TBC1D8: variants seen among roughly 807,000 people sequenced by gnomAD.
TBC1D8 encodes the protein BUB2-like protein 1.
Under a neutral mutation model 118.8 loss-of-function variants are expected in TBC1D8, and 65 were observed. The observed-to-expected ratio is 0.55, with a 90% confidence interval of 0.45 to 0.67. TBC1D8 has a LOEUF of 0.67. TBC1D8 is among the 30% of genes least tolerant of loss of function. TBC1D8 has a pLI of 0.00. For missense variants in TBC1D8, 1,376 were observed against 1,471.2 expected (o/e 0.94, Z 1.06); for synonymous variants, 566 against 595.8 (o/e 0.95, Z 0.73).
At chr2:101,066,906 C>CT (rs1683043614) in intron 2 of TBC1D8, among the ~76,000 whole-genome samples, 2 of 142,610 alleles carry the variant, frequency 1.4e-5, no homozygotes, top group Non-Finnish European at 3.0e-5. Flanking sequence ...GATCGAGTGC[C>CT]ACTGCACTCC....
chr2:101,014,297 T>C (rs185605849), intron 17 of TBC1D8, among the ~76,000 whole-genome samples: 19 of 152,260 alleles, frequency 1.2e-4, no homozygotes, highest in East Asian at 1.2e-3. Flanking sequence ...CCAGAATAGA[T>C]CTTTCATCTA....
intron 4 of TBC1D8, among the ~76,000 whole-genome samples, chr2:101,051,677 T>C (rs949004612): frequency 4.0e-5 from 6 of 151,856 alleles, no homozygotes; most frequent in African/African-American, 1.5e-4. Context: ...AAAGAAGACA[T>C]ACATGCGGCC....
At chr2:101,136,396 G>C (rs1678856326) in intron 1 of TBC1D8, among the ~76,000 whole-genome samples, 1 of 152,122 alleles carries the variant, frequency 6.6e-6, no homozygotes. Flanking sequence ...GCTTCCTGAG[G>C]CCTCACCAGA....
chr2:101,023,437 C>G (rs746021498), intron 15 of TBC1D8, among the ~76,000 whole-genome samples: 1 of 151,998 alleles, frequency 6.6e-6, no homozygotes, highest in Non-Finnish European at 1.5e-5. Flanking sequence ...TGAGCCACTG[C>G]GACTGGCCCA....
rs773290358 is a variant in TBC1D8, at chr2:101,008,147, G to A, written c.3142C>T (p.Arg1048Ter). ...GAGCAGCTTCCAGAGCTGCTGCCTC[G>A]CTGCCCCACCTCCCCGATCTGCAGC... Reference protein sequence around the residue: ...LLLQIGEVGQRGSSSGSCSQE... With the variant: ...LLLQIGEVGQ The change falls in exon 20 of 20, where the codon CGA (arginine) becomes TGA (stop). Residue 1048 changes from arginine (R) to a stop codon, truncating the protein, a stop_gained. Transcript: ENST00000409318. LOFTEE classifies it low-confidence loss of function (END_TRUNC). 15 of 1,613,728 alleles carry A rather than the reference G, an allele frequency of 9.3e-6. No individual in the cohort carries two copies. The highest frequency in any genetic ancestry group is 2.7e-5 in the African/African-American group (2 of 75,014).
chr2:101,077,055 G>A (rs879628119), intron 2 of TBC1D8, among the ~76,000 whole-genome samples: 3 of 152,164 alleles, frequency 2.0e-5, no homozygotes, highest in South Asian at 2.1e-4. Flanking sequence ...ACGGAGTCTC[G>A]CTCTGTCGCC....
intron 17 of TBC1D8, among the ~76,000 whole-genome samples, chr2:101,013,018 A>G (rs541971363): frequency 1.3e-5 from 2 of 152,348 alleles, no homozygotes; most frequent in Admixed American, 1.3e-4. Flanking sequence ...CTGGGATGCC[A>G]AAGAACTTGG....
In TBC1D8 at chr2:101,037,601, C is replaced by T. The variant is rs776169240; in HGVS notation, c.1383G>A (p.Pro461=). 19 of 1,613,544 alleles carry T rather than the reference C, an allele frequency of 1.2e-5. No individual in the cohort carries two copies. Among genetic ancestry groups the T allele is most frequent in the Admixed American group, 6.7e-5 (4 of 60,008 alleles). Residue 461 remains proline, a synonymous_variant, in exon 8 of 20, where the codon CCG becomes CCA. Coordinates refer to ENST00000409318, the MANE Select transcript of TBC1D8 (RefSeq NM_001330348.2). ...TGACCAGGGCATCGGGGTGCATCAG[C>T]GGGCTCTTCTCTTTCTCACTCTCCT... ...NSEESEKEKS[P]LMHPDALVTA... is the part of the protein sequence containing the mutation.
rs1293198099 is a variant in TBC1D8 at position 101,050,542 on chromosome 2, C to T, written c.731G>A (p.Arg244His). The T allele has an allele frequency of 2.4e-5, 38 of 1,613,886 alleles. No individual in the cohort carries two copies. Among genetic ancestry groups the T allele is most frequent in the Middle Eastern group, 1.6e-4 (1 of 6,084 alleles). ...TIRITTQNKE[R>H]DFSMFLNLDE... ...CAGGTTCAGGAACATGGAGAAGTCACGCTCCTTATTCTGCGTGGTGATTCG... is the reference window on the plus strand; with the variant it reads ...CAGGTTCAGGAACATGGAGAAGTCATGCTCCTTATTCTGCGTGGTGATTCG... Residue 244 changes from arginine to histidine, a missense_variant, in exon 5 of 20, where the codon CGT becomes CAT. Arg to His is a conservative substitution (Grantham distance 29, BLOSUM62 0). Transcript: ENST00000409318.
intron 2 of TBC1D8, among the ~76,000 whole-genome samples, chr2:101,062,462 T>G (rs1171731337): frequency 1.3e-5 from 2 of 152,172 alleles, no homozygotes; most frequent in African/African-American, 2.4e-5. Flanking sequence ...AGACTCACCT[T>G]TGTGGTGCTA....
At chr2:101,107,638 G>A (rs1171719661) in intron 1 of TBC1D8, among the ~76,000 whole-genome samples, 1 of 152,154 alleles carries the variant, frequency 6.6e-6, no homozygotes, top group Non-Finnish European at 1.5e-5. Flanking sequence ...AGCACACATA[G>A]AGCGCAGATT....
chr2:101,037,539 G>C lies in TBC1D8; in HGVS notation c.1445C>G (p.Ser482Cys). The change falls in exon 8 of 20, where the codon TCC (serine) becomes TGC (cysteine). Residue 482 changes from serine (S) to cysteine (C), a missense_variant. Ser to Cys is a moderately radical substitution (Grantham distance 112). Transcript: ENST00000409318. ...FQQSGSQSPDSRMSREQIKIS... is the reference protein window; with the variant it reads ...FQQSGSQSPDCRMSREQIKIS... ...GCACCAGGCGTCACCCACCATTCGGGAGTCAGGGCTCTGGCTGCCTGACTG... is the reference window on the plus strand; with the variant it reads ...GCACCAGGCGTCACCCACCATTCGGCAGTCAGGGCTCTGGCTGCCTGACTG... The C allele has an allele frequency of 6.2e-7, 1 of 1,612,248 alleles. No homozygotes were observed. The highest frequency in any genetic ancestry group is 8.5e-7 in the Non-Finnish European group (1 of 1,179,860).
intron 14 of TBC1D8, among the ~76,000 whole-genome samples, chr2:101,027,680 G>A (rs1009704784): frequency 3.9e-5 from 6 of 152,152 alleles, no homozygotes; most frequent in African/African-American, 1.4e-4. Flanking sequence ...CAAACCTACC[G>A]AGCTCTAATG....
intron 2 of TBC1D8, among the ~76,000 whole-genome samples, chr2:101,071,418 G>A (rs2105436762): frequency 6.6e-6 from 1 of 152,278 alleles, no homozygotes; most frequent in Middle Eastern, 3.4e-3. Flanking sequence ...CCTGGTTATT[G>A]GGCCCTGTGG....
chr2:101,129,149 T>G (rs945044322), intron 1 of TBC1D8, among the ~76,000 whole-genome samples: 12 of 152,192 alleles, frequency 7.9e-5, no homozygotes, highest in Admixed American at 5.2e-4. Context: ...GTTTTGTTTT[T>G]TTTAAATTGA....
chr2:101,082,651 C>T (rs1468991858), intron 2 of TBC1D8, among the ~76,000 whole-genome samples: 1 of 152,208 alleles, frequency 6.6e-6, no homozygotes, highest in Non-Finnish European at 1.5e-5. Flanking sequence ...AGATAGGATG[C>T]TGACTGTAAT....
chr2:101,010,881 C>T, intron 19 of TBC1D8, 48 bp downstream of exon 19: 1 of 1,305,924 alleles, frequency 7.7e-7, no homozygotes, highest in South Asian at 1.3e-5. Context: ...GACTCCATCT[C>T]AAAAAAAAAA....
chr2:101,128,022 T>C (rs17025288), intron 1 of TBC1D8, among the ~76,000 whole-genome samples: 10,892 of 152,230 alleles, frequency 0.072, 1,363 homozygotes, highest in African/African-American at 0.25. Context: ...TTAGTTACAT[T>C]ATTAACTCCC....
At chr2:101,096,891 T>A (rs7604548) in intron 1 of TBC1D8, among the ~76,000 whole-genome samples, 22,879 of 151,776 alleles carry the variant, frequency 0.15, 1,888 homozygotes, top group Middle Eastern at 0.25. Context: ...GTAATTGGAA[T>A]AATAGGAGAA....
Sources: allele counts gnomAD v4.1 joint callset (sites outside exome capture counted in the v4.1 genomes callset), GRCh38; gene constraint gnomAD v4.1.1; transcripts MANE v1.5; gene names NCBI Gene and HGNC (gene_info 2026-07-23, HGNC 2026-07-21).